Variants in ASAP2 observed in about 807,000 individuals in gnomAD.
ASAP2 encodes the protein ArfGAP with SH3 domain, ankyrin repeat and PH domain 2, also known as arf-GAP with SH3 domain, ANK repeat and PH domain-containing protein 2.
Under a neutral mutation model 131.4 loss-of-function variants are expected in ASAP2, and 45 were observed. That is an observed-to-expected ratio of 0.34 (90% confidence interval 0.27 to 0.44). The LOEUF (loss-of-function observed/expected upper bound fraction) is 0.44. Among genes scored for constraint, ASAP2 ranks in the 20% least tolerant of loss-of-function variants. ASAP2 has a pLI of 1.00. For missense variants in ASAP2, 1,011 were observed against 1,297.0 expected (o/e 0.78, Z 3.39); for synonymous variants, 510 against 503.0 (o/e 1.01, Z -0.19).
intron 5 of ASAP2, among the ~76,000 whole-genome samples, chr2:9,321,543 A>T (rs1163132815): frequency 6.6e-6 from 1 of 152,124 alleles, no homozygotes; most frequent in Non-Finnish European, 1.5e-5. Context: ...CAGAGGGAAA[A>T]CCAAGAGTCA....
At chr2:9,276,596 G>A (rs759023682) in intron 1 of ASAP2, among the ~76,000 whole-genome samples, 7 of 151,756 alleles carry the variant, frequency 4.6e-5, no homozygotes, top group Non-Finnish European at 7.4e-5. Flanking sequence ...GGAGTGTAGC[G>A]GCACAATCTT....
intron 14 of ASAP2, 133 bp downstream of exon 14, chr2:9,356,478 A>T: frequency 9.4e-7 from 1 of 1,066,878 alleles, no homozygotes; most frequent in Non-Finnish European, 1.3e-6. Context: ...AGTTCATCCC[A>T]TTACACAAAT....
intron 1 of ASAP2, among the ~76,000 whole-genome samples, chr2:9,249,442 C>T (rs1394171334): frequency 2.6e-5 from 4 of 152,218 alleles, no homozygotes; most frequent in Non-Finnish European, 5.9e-5. Context: ...CTCACTTGGG[C>T]TTGTTCTTTG....
intron 1 of ASAP2, among the ~76,000 whole-genome samples, chr2:9,275,047 G>A (rs527697244): frequency 4.2e-4 from 63 of 150,362 alleles, no homozygotes; most frequent in African/African-American, 1.5e-3. Flanking sequence ...GTTTACCACC[G>A]CTTCCAGTCC....
At chr2:9,278,158 G>A (rs1223652991) in intron 1 of ASAP2, among the ~76,000 whole-genome samples, 1 of 152,196 alleles carries the variant, frequency 6.6e-6, no homozygotes, top group Non-Finnish European at 1.5e-5. Context: ...AGGATAGCCT[G>A]TGATTGGCAT....
chr2:9,369,108 T>C (rs963322328), intron 16 of ASAP2, among the ~76,000 whole-genome samples: 1 of 150,776 alleles, frequency 6.6e-6, no homozygotes, highest in African/African-American at 2.4e-5. Context: ...AACCTCTGCC[T>C]CCCAGGTTCA....
chr2:9,372,213 G>A (rs898117164), intron 16 of ASAP2, among the ~76,000 whole-genome samples: 2 of 152,162 alleles, frequency 1.3e-5, no homozygotes, highest in Non-Finnish European at 2.9e-5. Flanking sequence ...CCTGTCAGAA[G>A]AGGCATTTAC....
intron 3 of ASAP2, among the ~76,000 whole-genome samples, chr2:9,299,334 G>A (rs569180371): frequency 5.3e-5 from 8 of 152,264 alleles, no homozygotes; most frequent in Non-Finnish European, 7.4e-5. Flanking sequence ...CACTGGAAAC[G>A]TTATGGCATG....
At chr2:9,266,147 C>T (rs796714406) in intron 1 of ASAP2, among the ~76,000 whole-genome samples, 4 of 133,884 alleles carry the variant, frequency 3.0e-5, no homozygotes, top group Admixed American at 7.6e-5. Context: ...GCCTTTTTAT[C>T]TTTTTTTTTT....
At chr2:9,384,771 C>T (rs1161570265) in intron 20 of ASAP2, among the ~76,000 whole-genome samples, 1 of 152,222 alleles carries the variant, frequency 6.6e-6, no homozygotes, top group Non-Finnish European at 1.5e-5. Flanking sequence ...TCCTGAAGCT[C>T]GAGAACCAGT....
intron 1 of ASAP2, among the ~76,000 whole-genome samples, chr2:9,240,263 T>A (rs1176028841): frequency 2.7e-5 from 4 of 150,354 alleles, no homozygotes; most frequent in African/African-American, 9.8e-5. Context: ...TTTTTTTTTT[T>A]TTTTATTTGA....
chr2:9,271,274 G>A, intron 1 of ASAP2: 1 of 760,954 alleles, frequency 1.3e-6, no homozygotes, highest in South Asian at 1.5e-5. Flanking sequence ...ACTACAGTGA[G>A]CCACAAGCAT....
chr2:9,362,850 A>G lies in ASAP2; in HGVS notation c.1461+3961A>G, dbSNP rs113717598. Among the ~76,000 whole-genome samples, 154 of 152,218 alleles carry G rather than the reference A, an allele frequency of 1.0e-3. 3 individuals are homozygous for G. The East Asian group carries it at 0.024, about 23-fold the overall frequency. On this transcript the variant is annotated intron_variant, in intron 15 of 27. Transcript: ENST00000281419. ...CAGAGTGAGACTGTCTCAAAACAAAATTTTTAAGTATACAGTACGTTATTA... is the reference window on the plus strand; with the variant it reads ...CAGAGTGAGACTGTCTCAAAACAAAGTTTTTAAGTATACAGTACGTTATTA...
intron 1 of ASAP2, among the ~76,000 whole-genome samples, chr2:9,242,895 C>A (rs1664076004): frequency 6.6e-6 from 1 of 152,062 alleles, no homozygotes; most frequent in African/African-American, 2.4e-5. Flanking sequence ...CACATTAGCT[C>A]CTGCTTTGAT....
At chr2:9,239,761 C>T (rs543873495) in intron 1 of ASAP2, among the ~76,000 whole-genome samples, 1 of 152,018 alleles carries the variant, frequency 6.6e-6, no homozygotes, top group Non-Finnish European at 1.5e-5. Context: ...TGAGGCCTCA[C>T]TGTGTCGCCC....
chr2:9,278,056 T>C (rs1385573814), intron 1 of ASAP2, among the ~76,000 whole-genome samples: 2 of 152,222 alleles, frequency 1.3e-5, no homozygotes, highest in Admixed American at 6.5e-5. Context: ...GTTTTTATGA[T>C]CTAAACTCAC....
At position 9,374,866 on chromosome 2, in the gene ASAP2, G is replaced by A. The variant is rs756295888; in HGVS notation, c.1668G>A (p.Thr556=). The change falls in exon 17 of 28, where the codon ACG becomes ACA. Residue 556 remains threonine, a synonymous_variant. Coordinates refer to ENST00000281419, the MANE Select transcript of ASAP2 (RefSeq NM_003887.3). ...ACAGTCTTTGCGAGGCCGTCAAAAC[G>A]AGAGATATTTTTGGATTGCTCCAAG... ...KLHSLCEAVK[T]RDIFGLLQAY... 2.9e-5 allele frequency: 46 copies of A among 1,613,930 alleles called. No homozygotes were observed. The highest frequency in any genetic ancestry group is 4.5e-5 in the East Asian group (2 of 44,882).
chr2:9,334,782 C>T lies in ASAP2; in HGVS notation c.731C>T (p.Ser244Phe). Residue 244 changes from serine (S) to phenylalanine (F), a missense_variant, in exon 8 of 28, where the codon TCC becomes TTC. By Grantham distance (155) the Ser-to-Phe change is radical. This residue lies in a region of ASAP2 where 359 missense variants were observed against 598.1 expected (regional missense o/e 0.60). Transcript: ENST00000281419. ...AAAGCCGTGGAAAGCCTCAAACCTT[C>T]CATTGAAACGCTGTCTACGGATCTT... ...GLKAVESLKP[S>F]IETLSTDLHT... 1 of 1,614,170 alleles carries T rather than the reference C, an allele frequency of 6.2e-7. No individual in the cohort carries two copies. Among genetic ancestry groups the T allele is most frequent in the Non-Finnish European group, 8.5e-7 (1 of 1,180,004 alleles).
chr2:9,284,676 T>A (rs1356351024), intron 2 of ASAP2, among the ~76,000 whole-genome samples: 1 of 152,208 alleles, frequency 6.6e-6, no homozygotes, highest in Non-Finnish European at 1.5e-5. Context: ...AGCTGTGACA[T>A]ACCTCCTGTG....
Sources: allele counts gnomAD v4.1 joint callset (sites outside exome capture counted in the v4.1 genomes callset), GRCh38; gene constraint gnomAD v4.1.1; regional missense constraint gnomAD v4.1.1; transcripts MANE v1.5; gene names NCBI Gene and HGNC (gene_info 2026-07-23, HGNC 2026-07-21).